DOHH: variants seen among roughly 807,000 people sequenced by gnomAD.
The protein encoded by DOHH is deoxyhypusine hydroxylase, also known as HEAT-like (PBS lyase) repeat containing 1.
DOHH carries 16 observed loss-of-function variants against 19.9 expected under a neutral mutation model. The observed-to-expected ratio is 0.80, with a 90% CI of 0.54 to 1.22. The LOEUF (loss-of-function observed/expected upper bound fraction) is 1.22. Among genes scored for constraint, DOHH ranks in the 50% most tolerant of loss-of-function variants. The probability of loss-of-function intolerance (pLI) is 0.00; values close to 1 mark genes in which losing one functional copy is unlikely to be tolerated. For synonymous variants in DOHH, 233 were observed against 217.0 expected, an observed-to-expected ratio of 1.07 and a Z score of -0.65; for missense variants, 460 against 460.6, an observed-to-expected ratio of 1.00 and a Z score of 0.01.
At position 3,492,258 on chromosome 19, in the gene DOHH, T is replaced by A; in HGVS notation, c.589+4A>T. 1 of 1,463,984 alleles carries A rather than the reference T, an allele frequency of 6.8e-7. No homozygotes were observed. The highest frequency in any genetic ancestry group is 1.4e-5 in the South Asian group (1 of 70,216). 90.7% of individuals were successfully genotyped at this position (1,463,984 alleles called of 1,614,324 possible). On this transcript the variant is annotated splice_donor_region_variant and intron_variant, in intron 4 of 4. Coordinates refer to ENST00000427575, the MANE Select transcript of DOHH (RefSeq NM_001145165.2). ...AGGACCCCACCCCAGAAGCCCCTCC[T>A]CACCCTCGGCCAGCGCCAGGGCGGC... is the stretch of plus-strand genomic sequence containing the variant.
At chr19:3,495,473 C>T (rs1334748466) in intron 2 of DOHH, among the ~76,000 whole-genome samples, 1 of 152,206 alleles carries the variant, frequency 6.6e-6, no homozygotes, top group East Asian at 1.9e-4. Flanking sequence ...TTGTCTCTTA[C>T]TACATGACAG....
At chr19:3,498,776 C>T (rs2082928471) in intron 1 of DOHH, among the ~76,000 whole-genome samples, 1 of 152,128 alleles carries the variant, frequency 6.6e-6, no homozygotes, top group Non-Finnish European at 1.5e-5. Flanking sequence ...AAGAACTCCC[C>T]AAACCTCCAT....
At position 3,496,799 on chromosome 19, in the gene DOHH, C is replaced by G. The variant is rs1173712376; in HGVS notation, c.16G>C (p.Glu6Gln). ...AGCGTCTGCCCGATGGCATCCACCT[C>G]CTGCTCCGTCACCATCGTGCTGTCA... is the stretch of plus-strand genomic sequence containing the variant. MVTEQ[E>Q]VDAIGQTLVD... The change falls in exon 2 of 5, where the codon GAG becomes CAG. Residue 6 changes from glutamate (E) to glutamine (Q), a missense_variant. By Grantham distance (29) the Glu-to-Gln change is conservative. Transcript: ENST00000427575. This position sits in a 1 kb window ranked among gnomAD's most constrained non-coding sequence, Gnocchi z 4.8. The G allele has an allele frequency of 6.3e-7, 1 of 1,591,578 alleles. No individual in the cohort carries two copies.
intron 2 of DOHH, among the ~76,000 whole-genome samples, chr19:3,495,202 C>G (rs2082899708): frequency 1.3e-5 from 2 of 152,136 alleles, no homozygotes; most frequent in Non-Finnish European, 2.9e-5. Flanking sequence ...GTCTTGAACT[C>G]CTGACCTCAG....
At chr19:3,493,183 G>A (rs1371273292) in intron 3 of DOHH, among the ~76,000 whole-genome samples, 2 of 152,256 alleles carry the variant, frequency 1.3e-5, no homozygotes, top group Non-Finnish European at 2.9e-5. Flanking sequence ...CGGCCGAAGC[G>A]GCTCATGCCC....
chr19:3,491,360 G>A lies in DOHH; in HGVS notation c.*132C>T. On this transcript the variant is annotated 3_prime_UTR_variant, in exon 5 of 5. Coordinates refer to ENST00000427575, the MANE Select transcript of DOHH (RefSeq NM_001145165.2). The surrounding 1 kb of genome is among the most constrained non-coding windows in gnomAD (Gnocchi z 5.6). ...TCCTCGGTCCCAGACGGAGGAGGGGGACAGCAACCATGCGCCCAGCAAGAC... is the reference window on the plus strand; with the variant it reads ...TCCTCGGTCCCAGACGGAGGAGGGGAACAGCAACCATGCGCCCAGCAAGAC... The A allele has an allele frequency of 1.0e-6, 1 of 977,602 alleles. No individual in the cohort carries two copies. Among genetic ancestry groups the A allele is most frequent in the South Asian group, 1.6e-5 (1 of 62,930 alleles). 60.6% of individuals were successfully genotyped at this position (977,602 alleles called of 1,614,324 possible).
rs976060158 is a variant in DOHH at position 3,491,439 on chromosome 19, G to T, written c.*53C>A. 2.0e-6 allele frequency: 3 copies of T among 1,490,616 alleles called. No homozygotes were observed. The highest frequency in any genetic ancestry group is 2.4e-5 in the Admixed American group (1 of 42,218). The allele number at this position is 1,490,616 out of a possible 1,614,324, so 92.3% of individuals were successfully genotyped here. ...CCGGTTTAGACGCCAAAGCTCTGCG[G>T]GGGAGGAGCGGCCCTCAAGAGTCCT... is the stretch of plus-strand genomic sequence containing the variant. On this transcript the variant is annotated 3_prime_UTR_variant, in exon 5 of 5. Transcript: ENST00000427575. The surrounding 1 kb of genome is among the most constrained non-coding windows in gnomAD (Gnocchi z 5.6).
intron 3 of DOHH, among the ~76,000 whole-genome samples, chr19:3,492,882 G>C (rs1438609057): frequency 6.6e-6 from 1 of 152,186 alleles, no homozygotes; most frequent in Non-Finnish European, 1.5e-5. Flanking sequence ...TAAGGGCTTG[G>C]GATTTTGTCC....
At chr19:3,492,818 G>A (rs2122055346) in intron 3 of DOHH, among the ~76,000 whole-genome samples, 1 of 152,322 alleles carries the variant, frequency 6.6e-6, no homozygotes, top group East Asian at 1.9e-4. Flanking sequence ...GAGGGGTGAG[G>A]GCCAAAGGAA....
At position 3,491,689 on chromosome 19, in the gene DOHH, C is replaced by T; in HGVS notation, c.712G>A (p.Val238Met). ...AGGGCCTCCGCGCACTCGTGCCGCA[C>T]CATGGGGTTCTCGGTGCATCGGGCC... ...ALARCTENPM[V>M]RHECAEALGA... is the part of the protein sequence containing the mutation. The change falls in exon 5 of 5, where the codon GTG (valine) becomes ATG (methionine). Residue 238 changes from valine to methionine, a missense_variant. Transcript: ENST00000427575. The surrounding 1 kb of genome is among the most constrained non-coding windows in gnomAD (Gnocchi z 5.6). 6.5e-7 allele frequency: 1 copy of T among 1,530,920 alleles called. No homozygotes were observed. Among genetic ancestry groups the T allele is most frequent in the Non-Finnish European group, 8.8e-7 (1 of 1,141,746 alleles). The allele number at this position is 1,530,920 out of a possible 1,614,324, so 94.8% of individuals were successfully genotyped here. A position where few individuals can be genotyped will look rare whatever the true frequency, so the allele number is the denominator to read the frequency against.
rs1019342158 is a variant in DOHH at position 3,492,536 on chromosome 19, G to C, written c.352-37C>G. On this transcript the variant is annotated intron_variant, in intron 3 of 4. Transcript: ENST00000427575. ...GGGTATCAGGCAGCGGGTTGGCCCT[G>C]GGGGGTCGCAGGGGCCCTTCCCCAC... The C allele has an allele frequency of 3.7e-6, 5 of 1,349,396 alleles. No homozygotes were observed. In the African/African-American group the frequency reaches 7.7e-5, roughly 21 times the overall value. 83.6% of individuals were successfully genotyped at this position (1,349,396 alleles called of 1,614,324 possible). A position where few individuals can be genotyped will look rare whatever the true frequency, so the allele number is the denominator to read the frequency against.
chr19:3,496,830 T>G lies in DOHH; in HGVS notation c.-16A>C, dbSNP rs375607519. 7.4e-5 allele frequency: 115 copies of G among 1,545,464 alleles called. No homozygotes were observed. Among genetic ancestry groups the G allele is most frequent in the Middle Eastern group, 6.9e-4 (3 of 4,336 alleles). ...CCGTCACCATCGTGCTGTCAATGGG[T>G]CCCGGCCTTCCACAACCCTGCTCAG... On this transcript the variant is annotated 5_prime_UTR_variant, in exon 2 of 5. Transcript: ENST00000427575. This position sits in a 1 kb window ranked among gnomAD's most constrained non-coding sequence, Gnocchi z 4.8.
intron 1 of DOHH, among the ~76,000 whole-genome samples, chr19:3,500,246 G>A (rs549546084): frequency 2.0e-5 from 3 of 152,146 alleles, no homozygotes; most frequent in Non-Finnish European, 4.4e-5. Flanking sequence ...CCTAAGCACA[G>A]GTGACCATCA....
At chr19:3,495,156 T>A (rs564953811) in intron 2 of DOHH, among the ~76,000 whole-genome samples, 11 of 152,156 alleles carry the variant, frequency 7.2e-5, no homozygotes, top group African/African-American at 2.4e-4. Context: ...TTTGTATTTT[T>A]AGTTGAGACG....
At chr19:3,497,286 G>T (rs1227570228) in intron 1 of DOHH, among the ~76,000 whole-genome samples, 1 of 152,226 alleles carries the variant, frequency 6.6e-6, no homozygotes, top group African/African-American at 2.4e-5. Flanking sequence ...ATGCCAAGAA[G>T]ATGGAACAGA....
At position 3,491,243 on chromosome 19, in the gene DOHH, C is replaced by T. The variant is rs1262095627; in HGVS notation, c.*249G>A. 3.6e-6 allele frequency: 2 copies of T among 563,126 alleles called. No individual in the cohort carries two copies. Among genetic ancestry groups the T allele is most frequent in the East Asian group, 6.3e-5 (2 of 31,854 alleles). 34.9% of individuals were successfully genotyped at this position (563,126 alleles called of 1,614,324 possible). A position where few individuals can be genotyped will look rare whatever the true frequency, so the allele number is the denominator to read the frequency against. The stretch of plus-strand genomic sequence containing the variant: ...GCATCCCAGAGCCTCCCGCAGAGTC[C>T]CACCCCAAGCCTGGAAACTTCCACG... On this transcript the variant is annotated 3_prime_UTR_variant, in exon 5 of 5. Coordinates refer to ENST00000427575, the MANE Select transcript of DOHH (RefSeq NM_001145165.2). This position sits in a 1 kb window ranked among gnomAD's most constrained non-coding sequence, Gnocchi z 5.6.
intron 1 of DOHH, among the ~76,000 whole-genome samples, chr19:3,498,406 A>T (rs1002030480): frequency 5.3e-5 from 8 of 151,986 alleles, no homozygotes; most frequent in Non-Finnish European, 1.0e-4. Context: ...AAGATAATGA[A>T]GGAATTTTTT....
At position 3,491,462 on chromosome 19, in the gene DOHH, C is replaced by CCT. The variant is rs545766602; in HGVS notation, c.*28_*29dup. 1,064 of 1,523,300 alleles carry CCT rather than the reference C, an allele frequency of 7.0e-4. 4 individuals carry two copies. In the African/African-American group the frequency reaches 0.013, roughly 19 times the overall value. 94.4% of individuals were successfully genotyped at this position (1,523,300 alleles called of 1,614,324 possible). A position where few individuals can be genotyped will look rare whatever the true frequency, so the allele number is the denominator to read the frequency against. On this transcript the variant is annotated 3_prime_UTR_variant, in exon 5 of 5. Coordinates refer to ENST00000427575, the MANE Select transcript of DOHH (RefSeq NM_001145165.2). This position sits in a 1 kb window ranked among gnomAD's most constrained non-coding sequence, Gnocchi z 5.6. ...CGGGGGAGGAGCGGCCCTCAAGAGT[C>CCT]CTCCGGGAGCTCCGGGTGAGGGTGG...
intron 1 of DOHH, among the ~76,000 whole-genome samples, chr19:3,499,057 G>A (rs766007247): frequency 6.6e-6 from 1 of 152,136 alleles, no homozygotes; most frequent in African/African-American, 2.4e-5. Context: ...TTGGTCTGGC[G>A]ATATTTTCCA....
Sources: allele counts gnomAD v4.1 joint callset (sites outside exome capture counted in the v4.1 genomes callset), GRCh38; gene constraint gnomAD v4.1.1; non-coding constraint Gnocchi (gnomAD v3.1); transcripts MANE v1.5; gene names NCBI Gene and HGNC (gene_info 2026-07-23, HGNC 2026-07-21).